The following KCNV2 variants were observed in gnomAD, a reference collection of about 807,000 sequenced individuals.
KCNV2 encodes the protein potassium voltage-gated channel modifier subfamily V member 2.
In KCNV2, 65 loss-of-function variants were observed where a neutral mutation model predicts 37.0. That is an observed-to-expected ratio of 1.76 (90% CI 1.44 to 2.16). The LOEUF (loss-of-function observed/expected upper bound fraction) is 2.16. KCNV2 is among the 30% of genes most tolerant of loss of function. KCNV2 has a pLI of 0.00. For missense variants in KCNV2, 1,232 were observed against 766.7 expected (o/e 1.61, Z -7.17); for synonymous variants, 518 against 328.6 (o/e 1.58, Z -6.23).
At chr9:2,722,234 A>T (rs1024257628) in intron 1 of KCNV2, among the ~76,000 whole-genome samples, 1 of 142,564 alleles carries the variant, frequency 7.0e-6, no homozygotes, top group African/African-American at 2.6e-5. Flanking sequence ...TTTATTTATA[A>T]ATAAATTAGA....
At chr9:2,720,804 G>A (rs1819852725) in intron 1 of KCNV2, among the ~76,000 whole-genome samples, 1 of 152,014 alleles carries the variant, frequency 6.6e-6, no homozygotes, top group African/African-American at 2.4e-5. Context: ...CAAATACTTT[G>A]ATAAAAGTTA....
rs113149553 is a variant in KCNV2 at position 2,730,002 on chromosome 9, C to T, written c.*275C>T. The T allele has an allele frequency of 3.2e-5, 13 of 410,154 alleles. 2 individuals are homozygous for T. The highest frequency in any genetic ancestry group is 1.4e-4 in the African/African-American group (7 of 50,252). The allele number at this position is 410,154 out of a possible 1,614,324, so 25.4% of individuals were successfully genotyped here. On this transcript the variant is annotated 3_prime_UTR_variant, in exon 2 of 2. Transcript: ENST00000382082. Reference sequence around the variant, plus strand: ...AGCTTAGATTTTTCTTGTAGCTTCTCGTGGCATCTAGCTCAATAAATATTT... The same window carrying T: ...AGCTTAGATTTTTCTTGTAGCTTCTTGTGGCATCTAGCTCAATAAATATTT...
rs1819803265 is a variant in KCNV2, at chr9:2,718,815, G to A, written c.1076G>A (p.Gly359Asp). ...QLLLECFTGE[G>D]HQRGQTVGSV... The stretch of plus-strand genomic sequence containing the variant: ...CTGCTCGAGTGCTTCACGGGCGAGG[G>A]CCACCAACGCGGCCAGACGGTGGGC... The change falls in exon 1 of 2, where the codon GGC becomes GAC. Residue 359 changes from glycine to aspartate, a missense_variant. Gly to Asp is a moderately conservative substitution (Grantham distance 94, BLOSUM62 -1). Transcript: ENST00000382082. 4 of 1,610,078 alleles carry A rather than the reference G, an allele frequency of 2.5e-6. No homozygotes were observed. The highest frequency in any genetic ancestry group is 2.2e-5 in the East Asian group (1 of 44,878).
At chr9:2,721,586 C>T (rs1480574508) in intron 1 of KCNV2, among the ~76,000 whole-genome samples, 1 of 152,180 alleles carries the variant, frequency 6.6e-6, no homozygotes, top group Non-Finnish European at 1.5e-5. Flanking sequence ...CTTATTCATT[C>T]ATTGAACAGT....
At chr9:2,721,986 T>A (rs1253525776) in intron 1 of KCNV2, among the ~76,000 whole-genome samples, 4 of 151,490 alleles carry the variant, frequency 2.6e-5, no homozygotes, top group African/African-American at 7.3e-5. Context: ...TTTAAAAATT[T>A]GGGGCACATA....
intron 1 of KCNV2, among the ~76,000 whole-genome samples, chr9:2,726,397 A>T (rs2130867113): frequency 6.6e-6 from 1 of 152,328 alleles, no homozygotes; most frequent in South Asian, 2.1e-4. Flanking sequence ...TTGAAGATAT[A>T]CAAAAATATT....
rs778605215 is a variant in KCNV2, at chr9:2,718,628, G to C, written c.889G>C (p.Asp297His). ...QHSGQGEGGP[D>H]LRPILEHVEM... ...CTCGGGGCAGGGCGAGGGCGGCCCA[G>C]ACCTGCGGCCCATCCTGGAGCACGT... Residue 297 changes from aspartate to histidine, a missense_variant, in exon 1 of 2, where the codon GAC (aspartate) becomes CAC (histidine). Physicochemically the swap from Asp to His is moderately conservative, Grantham distance 81. Transcript: ENST00000382082. 7 of 1,613,038 alleles carry C rather than the reference G, an allele frequency of 4.3e-6. No homozygotes were observed. The East Asian group carries it at 1.1e-4, about 26-fold the overall frequency.
chr9:2,722,908 A>G (rs956569243), intron 1 of KCNV2, among the ~76,000 whole-genome samples: 1 of 152,150 alleles, frequency 6.6e-6, no homozygotes, highest in East Asian at 1.9e-4. Flanking sequence ...AGAACAAGAG[A>G]GAGAATGCAA....
chr9:2,726,828 C>T (rs781528964), intron 1 of KCNV2, among the ~76,000 whole-genome samples: 14 of 152,116 alleles, frequency 9.2e-5, no homozygotes, highest in Non-Finnish European at 1.9e-4. Context: ...TCAACCACAG[C>T]GTTAGATTCT....
At position 2,719,027 on chromosome 9, in the gene KCNV2, T is replaced by C. The variant is rs1563796271; in HGVS notation, c.1288T>C (p.Tyr430His). 1 of 1,613,032 alleles carries C rather than the reference T, an allele frequency of 6.2e-7. No homozygotes were observed. The highest frequency in any genetic ancestry group is 8.5e-7 in the Non-Finnish European group (1 of 1,180,036). Residue 430 changes from tyrosine (Y) to histidine (H), a missense_variant, in exon 1 of 2, where the codon TAC becomes CAC. By Grantham distance (83) the Tyr-to-His change is moderately conservative. Transcript: ENST00000382082. Reference protein sequence around the residue: ...MGIFTFSAAVYSVEHDVPSTN... With the variant: ...MGIFTFSAAVHSVEHDVPSTN... Reference sequence around the variant, plus strand: ...CATCTTCACTTTCTCTGCGGCTGTCTACTCTGTGGAGCACGATGTGCCCAG... The same window carrying C: ...CATCTTCACTTTCTCTGCGGCTGTCCACTCTGTGGAGCACGATGTGCCCAG...
chr9:2,722,916 C>A (rs74574899), intron 1 of KCNV2, among the ~76,000 whole-genome samples: 1 of 152,244 alleles, frequency 6.6e-6, no homozygotes, highest in Non-Finnish European at 1.5e-5. Flanking sequence ...AGAGAGAATG[C>A]AAGCCCCATC....
intron 1 of KCNV2, among the ~76,000 whole-genome samples, chr9:2,727,256 G>A (rs1407963596): frequency 5.3e-5 from 8 of 151,340 alleles, no homozygotes; most frequent in Non-Finnish European, 1.0e-4. Flanking sequence ...GACACAGGAA[G>A]GGGAACATCA....
At position 2,718,844 on chromosome 9, in the gene KCNV2, G is replaced by T. The variant is rs778638987; in HGVS notation, c.1105G>T (p.Val369Leu). 2 of 1,609,240 alleles carry T rather than the reference G, an allele frequency of 1.2e-6. No individual in the cohort carries two copies. The highest frequency in any genetic ancestry group is 2.2e-5 in the South Asian group (2 of 91,088). The change falls in exon 1 of 2, where the codon GTG becomes TTG. Residue 369 changes from valine (V) to leucine (L), a missense_variant. Physicochemically the swap from Val to Leu is conservative, Grantham distance 32 (BLOSUM62 1). Coordinates refer to ENST00000382082, the MANE Select transcript of KCNV2 (RefSeq NM_133497.4). Reference protein sequence around the residue: ...GHQRGQTVGSVGKVGQVLRVM... With the variant: ...GHQRGQTVGSLGKVGQVLRVM... The stretch of plus-strand genomic sequence containing the variant: ...CCAACGCGGCCAGACGGTGGGCAGC[G>T]TGGGTAAGGTGGGTCAGGTGTTGCG...
intron 1 of KCNV2, 143 bp from the exon 2 acceptor site, chr9:2,729,303 C>T (rs1262652004): frequency 1.2e-6 from 1 of 832,742 alleles, no homozygotes; most frequent in Non-Finnish European, 2.0e-6. Context: ...CTTCCTGGTA[C>T]CTCCTAAAGC....
chr9:2,717,718 T>C lies in KCNV2; in HGVS notation c.-22T>C. On this transcript the variant is annotated 5_prime_UTR_variant, in exon 1 of 2. Transcript: ENST00000382082. ...CCTACCACAGCCAGGAGGAAAAAGC[T>C]AGGCGTCCACTTTCCGCAGCCATGC... The C allele has an allele frequency of 6.2e-7, 1 of 1,614,106 alleles. No homozygotes were observed. Among genetic ancestry groups the C allele is most frequent in the Non-Finnish European group, 8.5e-7 (1 of 1,180,018 alleles).
rs1819778622 is a variant in KCNV2, at chr9:2,718,269, G to C, written c.530G>C (p.Cys177Ser). 6.2e-7 allele frequency: 1 copy of C among 1,612,436 alleles called. No individual in the cohort carries two copies. Among genetic ancestry groups the C allele is most frequent in the Non-Finnish European group, 8.5e-7 (1 of 1,179,898 alleles). The change falls in exon 1 of 2, where the codon TGT becomes TCT. Residue 177 changes from cysteine to serine, a missense_variant. Physicochemically the swap from Cys to Ser is moderately radical, Grantham distance 112 (BLOSUM62 -1). Transcript: ENST00000382082. The stretch of plus-strand genomic sequence containing the variant: ...GTGCTGCTGGTGCTCGACGGGCTGT[G>C]TCCGCGCCGCTTCCTGGAGGAGCTG... ...SGVLLVLDGLCPRRFLEELGY... is the reference protein window; with the variant it reads ...SGVLLVLDGLSPRRFLEELGY...
At position 2,718,125 on chromosome 9, in the gene KCNV2, C is replaced by T. The variant is rs1819773884; in HGVS notation, c.386C>T (p.Ser129Phe). Reference protein sequence around the residue: ...PKTRLGRLATSTSRSRQLSLC... With the variant: ...PKTRLGRLATFTSRSRQLSLC... ...ACGCGCCTAGGTCGCCTGGCCACCTCCACCAGCCGCAGCCGCCAGCTAAGC... is the reference window on the plus strand; with the variant it reads ...ACGCGCCTAGGTCGCCTGGCCACCTTCACCAGCCGCAGCCGCCAGCTAAGC... Residue 129 changes from serine to phenylalanine, a missense_variant, in exon 1 of 2, where the codon TCC becomes TTC. Ser to Phe is a radical substitution (Grantham distance 155, BLOSUM62 -2). Transcript: ENST00000382082. The T allele has an allele frequency of 6.2e-7, 1 of 1,604,648 alleles. No homozygotes were observed. The highest frequency in any genetic ancestry group is 1.1e-5 in the South Asian group (1 of 90,078).
Position 2,718,590 on chromosome 9 carries a change from AGAT to A in KCNV2, c.853_855del (p.Met285del). 6.2e-7 allele frequency: 1 copy of A among 1,612,982 alleles called. No homozygotes were observed. Among genetic ancestry groups the A allele is most frequent in the Non-Finnish European group, 8.5e-7 (1 of 1,179,812 alleles). ...GCGCTGGCGCTCAACACCGTGGAGG[AGAT>A]GCAGCAGCACTCGGGGCAGGGCGAG... On this transcript the variant is annotated inframe_deletion, in exon 1 of 2. Transcript: ENST00000382082.
intron 1 of KCNV2, among the ~76,000 whole-genome samples, chr9:2,722,324 T>C (rs189098580): frequency 0.016 from 2,283 of 139,222 alleles, 40 homozygotes; most frequent in Non-Finnish European, 0.023. Context: ...TATAAATAAA[T>C]TAGAAGTTAT....
Sources: gnomAD v4.1 joint callset for allele counts (sites outside exome capture counted in the v4.1 genomes callset) on GRCh38, gnomAD v4.1.1 for gene constraint, MANE v1.5 for transcripts, NCBI Gene and HGNC (gene_info 2026-07-23, HGNC 2026-07-21) for gene names.